Variants in XIRP2 observed in about 807,000 individuals in gnomAD.
XIRP2 encodes xin actin-binding repeat-containing protein 2.
XIRP2 carries 236 observed loss-of-function variants against 277.0 expected under a neutral mutation model. The observed-to-expected ratio is 0.85, with a 90% CI of 0.77 to 0.95. XIRP2 has a LOEUF of 0.95. Ranked by LOEUF, XIRP2 falls within the 40% of genes least tolerant of loss-of-function variation. The probability of loss-of-function intolerance (pLI) is 0.00; values close to 1 mark genes in which losing one functional copy is unlikely to be tolerated. For synonymous variants in XIRP2, 1,490 were observed against 1,416.5 expected (o/e 1.05, Z -1.17); for missense variants, 4,640 against 4,157.5 (o/e 1.12, Z -3.19).
At chr2:167,167,263 G>A (rs1462065726) in intron 3 of XIRP2, among the ~76,000 whole-genome samples, 3 of 151,808 alleles carry the variant, frequency 2.0e-5, no homozygotes, top group Admixed American at 6.6e-5. Flanking sequence ...CATATAGTCA[G>A]GTCTTATTTT....
intron 2 of XIRP2, among the ~76,000 whole-genome samples, chr2:166,995,539 T>A (rs1687198421): frequency 6.6e-6 from 1 of 152,228 alleles, no homozygotes; most frequent in African/African-American, 2.4e-5. Context: ...TTGATAATAT[T>A]TGTTCTATTG....
intron 2 of XIRP2, among the ~76,000 whole-genome samples, chr2:166,980,416 G>T (rs1345025296): frequency 6.6e-6 from 1 of 151,874 alleles, no homozygotes; most frequent in East Asian, 1.9e-4. Context: ...TACTAATATA[G>T]TATTTTTTTT....
chr2:167,123,799 T>C (rs1691124835), intron 2 of XIRP2: 1 of 152,168 alleles, frequency 6.6e-6, no homozygotes, highest in Admixed American at 6.6e-5. Context: ...TCATTTTAAC[T>C]GAATTATATC....
At chr2:167,077,860 G>A (rs75027687) in intron 2 of XIRP2, among the ~76,000 whole-genome samples, 1,639 of 152,326 alleles carry the variant, frequency 0.011, 31 homozygotes, top group African/African-American at 0.038. Context: ...TGACTGTGCT[G>A]TTGAAAATAG....
chr2:167,098,800 G>A (rs902775315), intron 2 of XIRP2, among the ~76,000 whole-genome samples: 2 of 152,142 alleles, frequency 1.3e-5, no homozygotes, highest in African/African-American at 4.8e-5. Context: ...CAGTCAGGCC[G>A]CTCTTCTGCA....
At chr2:166,938,175 A>T (rs1209800005) in intron 2 of XIRP2, among the ~76,000 whole-genome samples, 1 of 151,892 alleles carries the variant, frequency 6.6e-6, no homozygotes, top group Non-Finnish European at 1.5e-5. Context: ...TAGTTCTTTT[A>T]GTTGTGATGT....
At chr2:167,257,804 C>G in intron 10 of XIRP2, 53 bp from the exon 11 acceptor site, 1 of 1,513,108 alleles carries the variant, frequency 6.6e-7, no homozygotes, top group Non-Finnish European at 8.9e-7. Context: ...CCCCAATTCC[C>G]TATGAACTTA....
At chr2:167,214,093 A>AG (rs1553500654) in intron 4 of XIRP2, among the ~76,000 whole-genome samples, 1 of 64,318 alleles carries the variant, frequency 1.6e-5, no homozygotes, top group African/African-American at 7.7e-5. Context: ...GAAGAAAGAA[A>AG]GAAGGAAGGA....
intron 2 of XIRP2, among the ~76,000 whole-genome samples, chr2:167,060,233 T>G (rs964645452): frequency 2.6e-5 from 4 of 152,182 alleles, no homozygotes; most frequent in African/African-American, 9.6e-5. Flanking sequence ...TAACCCTTTA[T>G]GTATGAAATA....
chr2:167,073,305 C>A (rs1468621766), intron 2 of XIRP2, among the ~76,000 whole-genome samples: 1 of 152,042 alleles, frequency 6.6e-6, no homozygotes, highest in Non-Finnish European at 1.5e-5. Flanking sequence ...AAGAAGACAT[C>A]AGTTTTTTAA....
Position 167,084,255 on chromosome 2 carries a change from G to A in XIRP2, c.409-51654G>A, listed in dbSNP as rs867377809. 6.9e-3 allele frequency among the ~76,000 whole-genome samples: 1,055 copies of A among 152,200 alleles called. 21 individuals carry two copies. The highest frequency in any genetic ancestry group is 0.055 in the South Asian group (267 of 4,816). Reference sequence around the variant, plus strand: ...TGCTGGATTACATTTATTGATTTGCGTATATTGAACCAGCCTTGCATCCTA... The same window carrying A: ...TGCTGGATTACATTTATTGATTTGCATATATTGAACCAGCCTTGCATCCTA... On this transcript the variant is annotated intron_variant, in intron 2 of 10. Transcript: ENST00000409195.
At chr2:166,912,863 G>C (rs1684749486) in intron 2 of XIRP2, among the ~76,000 whole-genome samples, 1 of 99,576 alleles carries the variant, frequency 1.0e-5, no homozygotes, top group Non-Finnish European at 1.8e-5. Context: ...GAGTTTGCTG[G>C]AGGTCCACTC....
chr2:167,149,643 T>C (rs1263443517), intron 3 of XIRP2, among the ~76,000 whole-genome samples: 1 of 151,684 alleles, frequency 6.6e-6, no homozygotes, highest in African/African-American at 2.4e-5. Context: ...AAGCTACATA[T>C]AAAAATCCCC....
chr2:166,976,027 ATTG>A (rs1449780326), intron 2 of XIRP2, among the ~76,000 whole-genome samples: 1 of 148,950 alleles, frequency 6.7e-6, no homozygotes, highest in Non-Finnish European at 1.5e-5. Flanking sequence ...TCCTTTCACT[ATTG>A]TTGTAGACAA....
chr2:167,018,095 T>A (rs929831768), intron 2 of XIRP2, among the ~76,000 whole-genome samples: 5 of 152,040 alleles, frequency 3.3e-5, no homozygotes, highest in African/African-American at 1.2e-4. Flanking sequence ...TTCCTCAATT[T>A]CTCGTCATCT....
chr2:166,943,353 G>T (rs1685771111), intron 2 of XIRP2, among the ~76,000 whole-genome samples: 1 of 152,100 alleles, frequency 6.6e-6, no homozygotes, highest in South Asian at 2.1e-4. Flanking sequence ...ACTTTTTGGG[G>T]ACTATCATGA....
intron 2 of XIRP2, among the ~76,000 whole-genome samples, chr2:166,922,114 A>G (rs942230181): frequency 2.6e-5 from 4 of 152,176 alleles, no homozygotes; most frequent in African/African-American, 9.6e-5. Context: ...AGCCTTCCAA[A>G]GGACAAACTG....
intron 3 of XIRP2, among the ~76,000 whole-genome samples, chr2:167,159,155 C>A (rs1692290231): frequency 1.3e-5 from 2 of 152,110 alleles, no homozygotes; most frequent in Non-Finnish European, 2.9e-5. Context: ...GGGGGAGGAA[C>A]CATGGAGAGA....
At chr2:166,911,868 A>G (rs1684712296) in intron 2 of XIRP2, among the ~76,000 whole-genome samples, 1 of 152,112 alleles carries the variant, frequency 6.6e-6, no homozygotes, top group Admixed American at 6.6e-5. Context: ...TTCACTTATG[A>G]AGCTTAGTTT....
Sources: gnomAD v4.1 joint callset for allele counts (sites outside exome capture counted in the v4.1 genomes callset) on GRCh38, gnomAD v4.1.1 for gene constraint, MANE v1.5 for transcripts, NCBI Gene and HGNC (gene_info 2026-07-23, HGNC 2026-07-21) for gene names.